The following TAFA1 variants were observed in gnomAD, a reference collection of about 807,000 sequenced individuals.
The protein encoded by TAFA1 is chemokine-like protein TAFA-1.
In TAFA1, 4 loss-of-function variants were observed where a neutral mutation model predicts 18.5. The observed-to-expected ratio is 0.22, with a 90% CI of 0.11 to 0.49. The LOEUF (loss-of-function observed/expected upper bound fraction) is 0.49. TAFA1 is among the 20% of genes least tolerant of loss of function. The pLI is 0.98. For synonymous variants in TAFA1, 56 were observed against 55.2 expected (o/e 1.01, Z -0.06); for missense variants, 147 against 169.0 (o/e 0.87, Z 0.72).
intron 3 of TAFA1, among the ~76,000 whole-genome samples, chr3:68,443,166 C>T (rs762202954): frequency 3.9e-5 from 6 of 152,062 alleles, no homozygotes; most frequent in Non-Finnish European, 8.8e-5. Context: ...TAAGGGGTTC[C>T]ACCTTGTTGC....
chr3:68,183,633 T>G (rs2066233548), intron 2 of TAFA1, among the ~76,000 whole-genome samples: 1 of 152,170 alleles, frequency 6.6e-6, no homozygotes, highest in Admixed American at 6.6e-5. Context: ...TGCAGTCTAA[T>G]TGAAACACAG....
chr3:68,333,357 C>T (rs62245787), intron 2 of TAFA1, among the ~76,000 whole-genome samples: 24,086 of 152,064 alleles, frequency 0.16, 2,062 homozygotes, highest in Middle Eastern at 0.25. Flanking sequence ...AAGGTAGAGA[C>T]CTTTATCTTA....
intron 2 of TAFA1, among the ~76,000 whole-genome samples, chr3:68,330,464 T>C (rs1412149649): frequency 1.3e-5 from 2 of 152,204 alleles, no homozygotes; most frequent in Non-Finnish European, 2.9e-5. Context: ...GTCCCCTTCA[T>C]ATGTTTTTAC....
intron 3 of TAFA1, among the ~76,000 whole-genome samples, chr3:68,512,768 TTTAAG>T (rs993942812): frequency 2.6e-5 from 4 of 151,744 alleles, no homozygotes; most frequent in Admixed American, 6.6e-5. Flanking sequence ...AAAAGTAGGA[TTTAAG>T]TTAACAAAAA....
rs1046840980 is a variant in TAFA1 at position 68,418,393 on chromosome 3, G to C, written c.259+973G>C. Reference sequence around the variant, plus strand: ...TTTGAGCCAGGATGAGCCAGGAAAAGGACTTTCACAAGGTAATGTCGTCAC... The same window carrying C: ...TTTGAGCCAGGATGAGCCAGGAAAACGACTTTCACAAGGTAATGTCGTCAC... On this transcript the variant is annotated intron_variant, in intron 3 of 4. Transcript: ENST00000478136. Among the ~76,000 whole-genome samples, 6 of 151,612 alleles carry C rather than the reference G, an allele frequency of 4.0e-5. No homozygotes were observed. The South Asian group carries it at 1.3e-3, about 32-fold the overall frequency.
intron 2 of TAFA1, among the ~76,000 whole-genome samples, chr3:68,303,659 C>A (rs145945935): frequency 6.6e-6 from 1 of 151,936 alleles, no homozygotes; most frequent in Non-Finnish European, 1.5e-5. Flanking sequence ...CTGTGTTAGC[C>A]GGGATGGTCT....
At chr3:68,001,208 G>C (rs1470080280), upstream of TAFA1, among the ~76,000 whole-genome samples, 8 of 152,180 alleles carry the variant, frequency 5.3e-5, no homozygotes, top group Admixed American at 1.3e-4. Flanking sequence ...ATAAAGAAAT[G>C]AGAAGCGTAA....
At chr3:67,992,319 G>A in the TAFA1 span, among the ~76,000 whole-genome samples, 3 of 152,172 alleles carry the variant, frequency 2.0e-5, no homozygotes, top group Admixed American at 6.5e-5. Context: ...TATTTGGCAA[G>A]GTTGTTTGGA....
chr3:68,259,334 T>C (rs1418805657), intron 2 of TAFA1, among the ~76,000 whole-genome samples: 1 of 152,204 alleles, frequency 6.6e-6, no homozygotes, highest in East Asian at 1.9e-4. Flanking sequence ...AAAAGGGATT[T>C]AGTTTTAACT....
intron 2 of TAFA1, among the ~76,000 whole-genome samples, chr3:68,207,482 T>C (rs1356926723): frequency 6.6e-6 from 1 of 151,782 alleles, no homozygotes; most frequent in Admixed American, 6.6e-5. Context: ...CTTCACAGAG[T>C]AGACAGTGAT....
chr3:68,145,459 A>G (rs1161497635), intron 2 of TAFA1: 12 of 875,552 alleles, frequency 1.4e-5, no homozygotes, highest in East Asian at 7.2e-5. Flanking sequence ...TAGAACAAGG[A>G]TGGCAAGTTG....
intron 3 of TAFA1, among the ~76,000 whole-genome samples, chr3:68,489,207 G>T (rs554533262): frequency 1.7e-4 from 26 of 152,112 alleles, no homozygotes; most frequent in Non-Finnish European, 3.7e-4. Flanking sequence ...AGATTGCTTT[G>T]CACCTAGGAA....
intron 3 of TAFA1, among the ~76,000 whole-genome samples, chr3:68,437,153 A>G (rs897735240): frequency 3.3e-5 from 5 of 152,196 alleles, no homozygotes; most frequent in African/African-American, 1.2e-4. Flanking sequence ...CCACCAATGC[A>G]TCGCAAGTTT....
At chr3:68,008,731 T>A (rs556446481) in intron 2 of TAFA1, among the ~76,000 whole-genome samples, 2 of 152,112 alleles carry the variant, frequency 1.3e-5, no homozygotes, top group African/African-American at 4.8e-5. Context: ...ATTATGTCAA[T>A]ACTTGGTCCA....
intron 2 of TAFA1, among the ~76,000 whole-genome samples, chr3:68,312,835 A>G (rs1042803527): frequency 6.6e-6 from 1 of 152,156 alleles, no homozygotes; most frequent in African/African-American, 2.4e-5. Context: ...GTATTAGTCC[A>G]TTTTCATGCT....
chr3:68,183,460 G>T (rs1364590647), intron 2 of TAFA1, among the ~76,000 whole-genome samples: 2 of 152,258 alleles, frequency 1.3e-5, no homozygotes, highest in South Asian at 4.1e-4. Context: ...CATATTAATA[G>T]CTTGATGAAG....
chr3:68,357,171 A>G (rs1424610209), intron 2 of TAFA1, among the ~76,000 whole-genome samples: 2 of 152,018 alleles, frequency 1.3e-5, no homozygotes, highest in Non-Finnish European at 2.9e-5. Flanking sequence ...CAGACTACAT[A>G]GGATTCAATA....
chr3:68,361,101 A>G (rs545118908), intron 2 of TAFA1, among the ~76,000 whole-genome samples: 1 of 152,176 alleles, frequency 6.6e-6, no homozygotes, highest in East Asian at 1.9e-4. Context: ...ATTATTGTAT[A>G]GGTGGGAAGT....
intron 2 of TAFA1, among the ~76,000 whole-genome samples, chr3:68,209,569 G>A (rs138681107): frequency 2.6e-5 from 4 of 151,984 alleles, no homozygotes; most frequent in African/African-American, 9.7e-5. Context: ...TCTCCCACAT[G>A]CATTATTACA....
Sources: gnomAD v4.1 joint callset for allele counts (sites outside exome capture counted in the v4.1 genomes callset) on GRCh38, gnomAD v4.1.1 for gene constraint, MANE v1.5 for transcripts, NCBI Gene and HGNC (gene_info 2026-07-23, HGNC 2026-07-21) for gene names.